The following FRY variants were observed in gnomAD, a reference collection of about 807,000 sequenced individuals.
The protein encoded by FRY is FRY microtubule binding protein, also known as protein furry homolog.
A neutral mutation model predicts 348.4 loss-of-function variants in FRY; 128 were observed. The ratio of observed to expected loss-of-function variants is 0.37; its 90% CI spans 0.32 to 0.43. FRY has a LOEUF of 0.43. Ranked by LOEUF, FRY falls within the 20% of genes least tolerant of loss-of-function variation. The pLI, the probability that FRY is intolerant of heterozygous loss-of-function variation, is 1.00. For synonymous variants in FRY, 1,370 were observed against 1,374.7 expected, an observed-to-expected ratio of 1.00 and a Z score of 0.08; for missense variants, 2,736 against 3,695.2, an observed-to-expected ratio of 0.74 and a Z score of 6.73.
At chr13:32,210,291 G>T (rs868532436) in intron 33 of FRY, among the ~76,000 whole-genome samples, 1 of 152,226 alleles carries the variant, frequency 6.6e-6, no homozygotes, top group Non-Finnish European at 1.5e-5. Flanking sequence ...TGGCATTTCT[G>T]TGCTGGTTGT....
intron 17 of FRY, among the ~76,000 whole-genome samples, chr13:32,165,550 G>C (rs573684669): frequency 6.6e-6 from 1 of 152,250 alleles, no homozygotes; most frequent in South Asian, 2.1e-4. Context: ...CCTTCTTTTG[G>C]AAATCCTTGT....
At chr13:32,135,579 G>A (rs1474092196) in intron 10 of FRY, among the ~76,000 whole-genome samples, 1 of 152,170 alleles carries the variant, frequency 6.6e-6, no homozygotes, top group African/African-American at 2.4e-5. Flanking sequence ...GATCAAAATG[G>A]AAACAGGCAG....
At chr13:32,175,839 A>G (rs183038747) in intron 20 of FRY, among the ~76,000 whole-genome samples, 11 of 152,320 alleles carry the variant, frequency 7.2e-5, no homozygotes, top group Admixed American at 2.6e-4. Flanking sequence ...GATCTTAGGA[A>G]TATAGATAAT....
At chr13:32,248,042 G>A (rs1439676162) in intron 48 of FRY, among the ~76,000 whole-genome samples, 1 of 152,194 alleles carries the variant, frequency 6.6e-6, no homozygotes, top group Non-Finnish European at 1.5e-5. Context: ...GAAAGGACAG[G>A]AAGTAGTCAT....
At chr13:32,121,120 G>A (rs1169330250) in intron 4 of FRY, among the ~76,000 whole-genome samples, 1 of 152,184 alleles carries the variant, frequency 6.6e-6, no homozygotes, top group Non-Finnish European at 1.5e-5. Context: ...TTTTATGGCT[G>A]CATAGTATTC....
At chr13:32,262,617 A>G (rs1003946541) in intron 53 of FRY, 142 bp downstream of exon 53, 1 of 722,286 alleles carries the variant, frequency 1.4e-6, no homozygotes, top group Non-Finnish European at 2.3e-6. Context: ...TTAAAATAAT[A>G]GAAGTTTGTG....
intron 60 of FRY, 79 bp from the exon 61 acceptor site, chr13:32,295,123 T>C: frequency 1.6e-6 from 2 of 1,262,920 alleles, no homozygotes; most frequent in Non-Finnish European, 2.3e-6. Context: ...AGTAATACTC[T>C]TATATTAATG....
chr13:32,275,280 C>G (rs780811736), intron 56 of FRY: 46 of 297,886 alleles, frequency 1.5e-4, no homozygotes, highest in Admixed American at 7.7e-4. Context: ...CCCAGCTACT[C>G]GGGAGGCTGA....
At chr13:32,189,293 G>A (rs1883198069) in intron 28 of FRY, among the ~76,000 whole-genome samples, 1 of 152,002 alleles carries the variant, frequency 6.6e-6, no homozygotes, top group Non-Finnish European at 1.5e-5. Context: ...ATTCTGTTCA[G>A]ACATGTTATA....
rs1593868225 is a variant in FRY at position 32,297,803 on chromosome 13, G to T, written c.*2343G>T. On this transcript the variant is annotated 3_prime_UTR_variant, in exon 61 of 61. Coordinates refer to ENST00000542859, the MANE Select transcript of FRY (RefSeq NM_023037.3). The stretch of plus-strand genomic sequence containing the variant: ...ATTAATGTTAATTGCCTTCCCCAGG[G>T]ATACAAAGAAGTAGAAGTACCAAAG... 1 of 152,186 alleles carries T rather than the reference G, an allele frequency of 6.6e-6. No individual in the cohort carries two copies. Among genetic ancestry groups the T allele is most frequent in the East Asian group, 1.9e-4 (1 of 5,180 alleles). 9.4% of individuals were successfully genotyped at this position (152,186 alleles called of 1,614,324 possible). A position where few individuals can be genotyped will look rare whatever the true frequency, so the allele number is the denominator to read the frequency against.
chr13:32,105,816 T>C (rs1877506857), intron 3 of FRY, among the ~76,000 whole-genome samples: 3 of 152,136 alleles, frequency 2.0e-5, no homozygotes, highest in Admixed American at 1.3e-4. Flanking sequence ...TAAATGTCAC[T>C]GGCATGAACA....
At chr13:32,131,607 G>A in intron 7 of FRY, 65 bp from the exon 8 acceptor site, 1 of 1,102,970 alleles carries the variant, frequency 9.1e-7, no homozygotes, top group Non-Finnish European at 1.4e-6. Context: ...CCCAGATGCT[G>A]GAGGCCCCCA....
At chr13:32,177,603 A>ATAAAT (rs1882445629) in intron 20 of FRY, among the ~76,000 whole-genome samples, 1 of 151,860 alleles carries the variant, frequency 6.6e-6, no homozygotes, top group Non-Finnish European at 1.5e-5. Context: ...CGATAAATAA[A>ATAAAT]TAAATAAATA....
chr13:32,258,018 GC>G, intron 51 of FRY: 1 of 1,466,700 alleles, frequency 6.8e-7, no homozygotes, highest in Non-Finnish European at 9.6e-7. Context: ...TAGATGTTTT[GC>G]ATCTTTGCAG....
intron 41 of FRY, 29 bp downstream of exon 41, chr13:32,231,329 C>T: frequency 6.2e-7 from 1 of 1,608,876 alleles, no homozygotes; most frequent in South Asian, 1.1e-5. Context: ...ACAGATCCCT[C>T]TTTCAGCATT....
At position 32,038,308 on chromosome 13, in the gene FRY, A is replaced by C. The variant is rs913708028; in HGVS notation, c.70+6443A>C. 16 of 152,352 alleles carry C rather than the reference A, an allele frequency of 1.1e-4. No individual in the cohort carries two copies. The East Asian group carries it at 1.3e-3, about 13-fold the overall frequency. The allele number at this position is 152,352 out of a possible 1,614,324, so 9.4% of individuals were successfully genotyped here. ...CAATATAGCTTGGTATTTATCACTT[A>C]AGAAATACAGAGGTAAGTCTGTCCA... On this transcript the variant is annotated intron_variant, in intron 1 of 60. Transcript: ENST00000542859.
intron 41 of FRY, among the ~76,000 whole-genome samples, chr13:32,232,764 G>A (rs934346116): frequency 6.6e-6 from 1 of 152,194 alleles, no homozygotes; most frequent in Admixed American, 6.5e-5. Flanking sequence ...TAACTGCAAG[G>A]AAGACTGGGA....
intron 48 of FRY, among the ~76,000 whole-genome samples, chr13:32,247,726 TA>T (rs1433878568): frequency 1.3e-5 from 2 of 152,222 alleles, no homozygotes; most frequent in Admixed American, 1.3e-4. Flanking sequence ...CTCAGTTATG[TA>T]AAAAATGATT....
chr13:32,136,776 C>T (rs1489854481), intron 10 of FRY, 95 bp from the exon 11 acceptor site: 11 of 827,914 alleles, frequency 1.3e-5, no homozygotes, highest in Admixed American at 3.5e-5. Flanking sequence ...ACAGGGCCCC[C>T]GAGGGAGATG....
Sources: gnomAD v4.1 joint callset for allele counts (sites outside exome capture counted in the v4.1 genomes callset) on GRCh38, gnomAD v4.1.1 for gene constraint, MANE v1.5 for transcripts, NCBI Gene and HGNC (gene_info 2026-07-23, HGNC 2026-07-21) for gene names.